LRRC4C: variants seen among roughly 807,000 people sequenced by gnomAD.
The protein encoded by LRRC4C is leucine-rich repeat-containing protein 4C.
A neutral mutation model predicts 33.6 loss-of-function variants in LRRC4C; 5 were observed. That is an observed-to-expected ratio of 0.15 (90% confidence interval 0.08 to 0.31). The LOEUF (loss-of-function observed/expected upper bound fraction) is 0.31, where lower values mean the gene tolerates loss of function less well. LRRC4C is among the 10% of genes least tolerant of loss of function. LRRC4C has a pLI of 1.00. For synonymous variants in LRRC4C, 329 were observed against 302.0 expected (o/e 1.09, Z -0.93); for missense variants, 560 against 796.7 (o/e 0.70, Z 3.58).
intron 1 of LRRC4C, among the ~76,000 whole-genome samples, chr11:41,137,839 A>G (rs1255581434): frequency 6.6e-6 from 1 of 152,208 alleles, no homozygotes; most frequent in Admixed American, 6.5e-5. Context: ...ATATCTGCCC[A>G]TTGATCTGAA....
chr11:40,406,760 T>C (rs1949978600), intron 3 of LRRC4C, among the ~76,000 whole-genome samples: 1 of 152,138 alleles, frequency 6.6e-6, no homozygotes, highest in South Asian at 2.1e-4. Flanking sequence ...TTGATTTATA[T>C]ACAACCAGGA....
intron 3 of LRRC4C, among the ~76,000 whole-genome samples, chr11:40,635,628 A>AT (rs71060975): frequency 0.24 from 22,519 of 92,204 alleles, 4,593 homozygotes; most frequent in Non-Finnish European, 0.31. Flanking sequence ...AAAGAACCAA[A>AT]TTTTTTTTTT....
At chr11:41,396,093 C>T (rs981826983) in intron 1 of LRRC4C, among the ~76,000 whole-genome samples, 11 of 151,826 alleles carry the variant, frequency 7.2e-5, no homozygotes, top group Non-Finnish European at 5.9e-5. Context: ...TTAAGAGTGG[C>T]CCAAGACAAA....
At chr11:40,945,242 G>A (rs1958343979) in intron 1 of LRRC4C, among the ~76,000 whole-genome samples, 1 of 151,658 alleles carries the variant, frequency 6.6e-6, no homozygotes. Flanking sequence ...GGATGGTCTC[G>A]ATCTCCTGAC....
At chr11:40,484,623 ATATGCTTTATCAAAC>A (rs1207629754) in intron 3 of LRRC4C, among the ~76,000 whole-genome samples, 6 of 152,142 alleles carry the variant, frequency 3.9e-5, no homozygotes, top group Middle Eastern at 3.2e-3. Flanking sequence ...ACATTTCTGC[ATATGCTTTATCAAAC>A]TATTTAAATG....
At chr11:40,577,902 C>A (rs79104497) in intron 3 of LRRC4C, among the ~76,000 whole-genome samples, 6 of 135,702 alleles carry the variant, frequency 4.4e-5, no homozygotes, top group Non-Finnish European at 3.0e-5. Flanking sequence ...GTGGTGCGAT[C>A]TTGGCTCACT....
chr11:40,608,361 A>C (rs951764936), intron 3 of LRRC4C, among the ~76,000 whole-genome samples: 1 of 152,042 alleles, frequency 6.6e-6, no homozygotes, highest in Non-Finnish European at 1.5e-5. Context: ...TATAATAACC[A>C]AAAAGAAAAT....
At chr11:40,723,293 G>A (rs1016793943) in intron 2 of LRRC4C, among the ~76,000 whole-genome samples, 3 of 150,942 alleles carry the variant, frequency 2.0e-5, no homozygotes, top group Non-Finnish European at 4.4e-5. Context: ...TCATCCCCAG[G>A]ACACATAGTC....
intron 3 of LRRC4C, among the ~76,000 whole-genome samples, chr11:40,418,518 T>C (rs1484236056): frequency 6.6e-6 from 1 of 152,222 alleles, no homozygotes; most frequent in African/African-American, 2.4e-5. Context: ...GGTGGGAATG[T>C]AAATTAGTTC....
intron 1 of LRRC4C, among the ~76,000 whole-genome samples, chr11:41,304,354 G>A (rs1198348968): frequency 2.0e-5 from 2 of 100,128 alleles, no homozygotes; most frequent in East Asian, 3.4e-4. Context: ...AGGTGGGGGG[G>A]TCAGCCCTCC....
chr11:40,597,605 A>G (rs942895595), intron 3 of LRRC4C, among the ~76,000 whole-genome samples: 2 of 149,484 alleles, frequency 1.3e-5, no homozygotes, highest in African/African-American at 2.4e-5. Context: ...AACATCAAAC[A>G]GGAAGGAAGA....
intron 5 of LRRC4C, among the ~76,000 whole-genome samples, chr11:40,154,050 A>G (rs186760329): frequency 2.4e-4 from 36 of 152,290 alleles, no homozygotes; most frequent in African/African-American, 8.2e-4. Flanking sequence ...CAGGTAACCT[A>G]TAAAGGAAAA....
At chr11:41,180,111 G>A (rs1401738114) in intron 1 of LRRC4C, among the ~76,000 whole-genome samples, 1 of 152,176 alleles carries the variant, frequency 6.6e-6, no homozygotes, top group African/African-American at 2.4e-5. Flanking sequence ...AAGGGAGAGT[G>A]TGAAAAATGT....
intron 1 of LRRC4C, among the ~76,000 whole-genome samples, chr11:41,037,271 A>G (rs1213905206): frequency 1.7e-5 from 2 of 117,690 alleles, no homozygotes; most frequent in African/African-American, 6.1e-5. Flanking sequence ...CCAATTACCT[A>G]TCTTTGATGG....
chr11:41,170,801 A>G (rs919132722), intron 1 of LRRC4C, among the ~76,000 whole-genome samples: 3 of 152,184 alleles, frequency 2.0e-5, no homozygotes, highest in African/African-American at 4.8e-5. Flanking sequence ...AGAAACAACC[A>G]TCAGAGTGAA....
At chr11:41,211,779 C>A (rs543484377) in intron 1 of LRRC4C, among the ~76,000 whole-genome samples, 3 of 152,124 alleles carry the variant, frequency 2.0e-5, no homozygotes, top group Admixed American at 1.3e-4. Flanking sequence ...TGAGTAGAGC[C>A]GCAATAAACA....
intron 1 of LRRC4C, among the ~76,000 whole-genome samples, chr11:41,278,225 G>GT (rs1949544832): frequency 6.6e-6 from 1 of 152,134 alleles, no homozygotes; most frequent in East Asian, 1.9e-4. Context: ...GTGATATAAT[G>GT]CATTTGTCAA....
At chr11:40,915,593 C>T (rs1592082027) in intron 2 of LRRC4C, among the ~76,000 whole-genome samples, 3 of 152,274 alleles carry the variant, frequency 2.0e-5, no homozygotes, top group African/African-American at 7.2e-5. Context: ...CATAAAAACC[C>T]TAGAAGAAAA....
At chr11:40,616,461 A>ACG (rs1275113953) in intron 3 of LRRC4C, among the ~76,000 whole-genome samples, 3 of 151,636 alleles carry the variant, frequency 2.0e-5, no homozygotes, top group African/African-American at 7.3e-5. Context: ...ACATGCATGC[A>ACG]TATGTTTATT....
Sources: allele counts gnomAD v4.1 joint callset (sites outside exome capture counted in the v4.1 genomes callset), GRCh38; gene constraint gnomAD v4.1.1; transcripts MANE v1.5; gene names NCBI Gene and HGNC (gene_info 2026-07-23, HGNC 2026-07-21).